The following POLK variants were observed in gnomAD, a reference collection of about 807,000 sequenced individuals.
POLK encodes polymerase (DNA directed) kappa.
In POLK, 76 loss-of-function variants were observed where a neutral mutation model predicts 94.0. That is an observed-to-expected ratio of 0.81 (90% CI 0.67 to 0.98). POLK has a LOEUF of 0.98. Among genes scored for constraint, POLK ranks in the 50% least tolerant of loss-of-function variants. The pLI is 0.00. For missense variants in POLK, 954 were observed against 1,010.1 expected, an observed-to-expected ratio of 0.94 and a Z score of 0.75; for synonymous variants, 349 against 325.4, an observed-to-expected ratio of 1.07 and a Z score of -0.78.
intron 3 of POLK, among the ~76,000 whole-genome samples, chr5:75,557,065 G>T (rs1362509730): frequency 6.6e-6 from 1 of 151,434 alleles, no homozygotes; most frequent in Non-Finnish European, 1.5e-5. Flanking sequence ...TCTGTCTCAA[G>T]AAAAGAAAAA....
intron 1 of POLK, among the ~76,000 whole-genome samples, chr5:75,544,216 A>G (rs1053787416): frequency 6.6e-6 from 1 of 152,048 alleles, no homozygotes; most frequent in African/African-American, 2.4e-5. Flanking sequence ...CCTTTTATAC[A>G]TTTCATCTTT....
chr5:75,580,741 TAA>T lies in POLK; in HGVS notation c.695-467_695-466del, dbSNP rs141782120. 6.4e-3 allele frequency: 988 copies of T among 154,434 alleles called. 6 individuals are homozygous for T. The highest frequency in any genetic ancestry group is 9.5e-3 in the Non-Finnish European group (668 of 70,344). The allele number at this position is 154,434 out of a possible 1,614,324, so 9.6% of individuals were successfully genotyped here. A position where few individuals can be genotyped will look rare whatever the true frequency, so the allele number is the denominator to read the frequency against. On this transcript the variant is annotated intron_variant, in intron 6 of 14. Coordinates refer to ENST00000241436, the Ensembl canonical transcript of POLK. ...GTTTCTTCCATAAATGAAGAAAAGT[TAA>T]GTGTTTTTCCTTCTAAAAACAAAAC...
Position 75,593,754 on chromosome 5 carries a change from G to A in POLK, c.1357-124G>A, listed in dbSNP as rs920995476. 7 of 512,146 alleles carry A rather than the reference G, an allele frequency of 1.4e-5. No individual in the cohort carries two copies. In the Admixed American group the frequency reaches 2.6e-4, roughly 19 times the overall value. The allele number at this position is 512,146 out of a possible 1,614,324, so 31.7% of individuals were successfully genotyped here. ...GCTACTCAGGAGGCTGAGGCAAGAG[G>A]ATTGCTTGAACCCAGAAGTTGAAGG... On this transcript the variant is annotated intron_variant, in intron 11 of 14. Transcript: ENST00000241436.
rs200557500 is a variant in POLK at position 75,584,774 on chromosome 5, A to G, written c.1074A>G (p.Gly358=). The change falls in exon 9 of 15, where the codon GGA becomes GGG. Residue 358 remains glycine, a synonymous_variant. Coordinates refer to ENST00000241436, the Ensembl canonical transcript of POLK. ...TTCTTTTCTAGGTTTCTGGAATAGG[A>G]AAAGTTACAGAGAAAATGTTAAAGG... 1.9e-5 allele frequency: 30 copies of G among 1,543,184 alleles called. No individual in the cohort carries two copies. The East Asian group carries it at 6.8e-4, about 35-fold the overall frequency.
chr5:75,548,136 A>G (rs1333991547), intron 2 of POLK, among the ~76,000 whole-genome samples: 1 of 152,072 alleles, frequency 6.6e-6, no homozygotes, highest in Admixed American at 6.6e-5. Context: ...TGCCCAGGCT[A>G]GTCTTGATCT....
intron 2 of POLK, among the ~76,000 whole-genome samples, chr5:75,550,603 G>A (rs5744597): frequency 0.024 from 3,588 of 151,836 alleles, 140 homozygotes; most frequent in African/African-American, 0.082. Context: ...AAAAGAGAGA[G>A]ATCTGAAAAT....
intron 1 of POLK, among the ~76,000 whole-genome samples, chr5:75,523,178 C>T (rs1240725356): frequency 2.0e-5 from 3 of 152,028 alleles, no homozygotes; most frequent in Non-Finnish European, 4.4e-5. Context: ...TTTGTCCAAT[C>T]TAGTAAAATT....
chr5:75,546,786 C>A (rs569577532), intron 1 of POLK, among the ~76,000 whole-genome samples: 1 of 152,150 alleles, frequency 6.6e-6, no homozygotes, highest in Non-Finnish European at 1.5e-5. Flanking sequence ...CTGCCTCAGC[C>A]TCCCTAGTAG....
chr5:75,516,247 C>T (rs1256239226), intron 1 of POLK, among the ~76,000 whole-genome samples: 1 of 152,072 alleles, frequency 6.6e-6, no homozygotes, highest in African/African-American at 2.4e-5. Flanking sequence ...AATTTGTCTA[C>T]GTTTGCTTTG....
intron 10 of POLK, among the ~76,000 whole-genome samples, chr5:75,589,902 A>G (rs967849131): frequency 6.6e-6 from 1 of 152,214 alleles, no homozygotes; most frequent in Non-Finnish European, 1.5e-5. Flanking sequence ...CGTAGGTTCC[A>G]TGAGCCAACC....
chr5:75,522,752 G>A (rs768643325), intron 1 of POLK, among the ~76,000 whole-genome samples: 1 of 151,760 alleles, frequency 6.6e-6, no homozygotes, highest in Admixed American at 6.6e-5. Context: ...CTAAAATACA[G>A]AGCATAGGAA....
rs187294869 is a variant in POLK, at chr5:75,571,220, C to T, written c.408+1728C>T. Among the ~76,000 whole-genome samples, 38 of 152,290 alleles carry T rather than the reference C, an allele frequency of 2.5e-4. No homozygotes were observed. The East Asian group carries it at 3.9e-3, about 15-fold the overall frequency. On this transcript the variant is annotated intron_variant, in intron 4 of 14. Coordinates refer to ENST00000241436, the Ensembl canonical transcript of POLK. ...GTTGAACAAATAGTTTTCCCTTCTA[C>T]TAAGCATAACTTTTTGTCCTATTAA...
At chr5:75,594,188 G>C in intron 12 of POLK, 139 bp downstream of exon 12, 1 of 606,866 alleles carries the variant, frequency 1.6e-6, no homozygotes, top group Non-Finnish European at 2.9e-6. Context: ...TGGGAAAGCT[G>C]TATGCTTTCA....
intron 6 of POLK, among the ~76,000 whole-genome samples, chr5:75,579,757 G>A (rs2112812397): frequency 6.6e-6 from 1 of 152,040 alleles, no homozygotes; most frequent in East Asian, 1.9e-4. Flanking sequence ...TTGAAAATAA[G>A]GCTTATTGGC....
chr5:75,576,068 G>C lies in POLK; in HGVS notation c.541-712G>C, dbSNP rs551871445. Among the ~76,000 whole-genome samples the C allele has an allele frequency of 8.6e-5, 13 of 151,972 alleles. No homozygotes were observed. In the East Asian group the frequency reaches 1.7e-3, roughly 20 times the overall value. On this transcript the variant is annotated intron_variant, in intron 5 of 14. Transcript: ENST00000241436. Reference sequence around the variant, plus strand: ...GTAGTAACACTATGTTATATAAAAGGCATTTCTGAATTAAAAGCCACTATA... The same window carrying C: ...GTAGTAACACTATGTTATATAAAAGCCATTTCTGAATTAAAAGCCACTATA...
chr5:75,563,382 G>T (rs965090999), intron 3 of POLK, among the ~76,000 whole-genome samples: 1 of 151,814 alleles, frequency 6.6e-6, no homozygotes, highest in African/African-American at 2.4e-5. Flanking sequence ...AGGGATTTTC[G>T]TGTCTCTATC....
chr5:75,559,838 A>G (rs984700632), intron 3 of POLK, among the ~76,000 whole-genome samples: 2 of 151,976 alleles, frequency 1.3e-5, no homozygotes, highest in African/African-American at 2.4e-5. Context: ...GCTGGCCAAC[A>G]ATTGATTTTA....
intron 3 of POLK, among the ~76,000 whole-genome samples, chr5:75,564,509 CT>C (rs1195583829): frequency 2.0e-5 from 3 of 152,126 alleles, no homozygotes; most frequent in Non-Finnish European, 4.4e-5. Context: ...TTTTGGTATG[CT>C]TTTGCAGTGC....
chr5:75,511,069 G>A (rs778841847), upstream of POLK: 14 of 1,496,378 alleles, frequency 9.4e-6, no homozygotes, highest in South Asian at 1.9e-4. Flanking sequence ...CCTCGCTGCA[G>A]GTGAGTCTGG....
Sources: allele counts gnomAD v4.1 joint callset (sites outside exome capture counted in the v4.1 genomes callset), GRCh38; gene constraint gnomAD v4.1.1; transcripts MANE v1.5; gene names NCBI Gene and HGNC (gene_info 2026-07-23, HGNC 2026-07-21).